The following TMPRSS11E variants were observed in gnomAD, a reference collection of about 807,000 sequenced individuals.
The protein encoded by TMPRSS11E is transmembrane protease serine 11E.
Under a neutral mutation model 48.1 loss-of-function variants are expected in TMPRSS11E, and 38 were observed. That is an observed-to-expected ratio of 0.79 (90% CI 0.61 to 1.04). The LOEUF (loss-of-function observed/expected upper bound fraction) is 1.04, where lower values mean the gene tolerates loss of function less well. Ranked by LOEUF, TMPRSS11E falls within the 50% of genes least tolerant of loss-of-function variation. The pLI is 0.00. For missense variants in TMPRSS11E, 530 were observed against 510.8 expected, an observed-to-expected ratio of 1.04 and a Z score of -0.36; for synonymous variants, 158 against 171.9, an observed-to-expected ratio of 0.92 and a Z score of 0.63.
rs1237485322 is a variant in TMPRSS11E, at chr4:68,477,586, G to T, written c.925G>T (p.Asp309Tyr). ...PDASYEFQPG[D>Y]VMFVTGFGAL... is the part of the protein sequence containing the mutation. ...TGCATCCTATGAGTTTCAACCAGGT[G>T]ATGTGATGTTTGTGACAGGATTTGG... Residue 309 changes from aspartate to tyrosine, a missense_variant, in exon 8 of 10, where the codon GAT (aspartate) becomes TAT (tyrosine). Coordinates refer to ENST00000305363, the MANE Select transcript of TMPRSS11E (RefSeq NM_014058.4). 1.2e-6 allele frequency: 2 copies of T among 1,614,060 alleles called. No individual in the cohort carries two copies. Among genetic ancestry groups the T allele is most frequent in the Non-Finnish European group, 1.7e-6 (2 of 1,179,954 alleles).
intron 1 of TMPRSS11E, among the ~76,000 whole-genome samples, chr4:68,454,853 TG>T (rs542569008): frequency 1.3e-5 from 2 of 151,926 alleles, no homozygotes; most frequent in South Asian, 4.1e-4. Context: ...ATACATATTT[TG>T]GGGGTATCTG....
chr4:68,477,804 G>A (rs1030105287), intron 8 of TMPRSS11E, among the ~76,000 whole-genome samples, 176 bp downstream of exon 8: 1 of 152,140 alleles, frequency 6.6e-6, no homozygotes, highest in Non-Finnish European at 1.5e-5. Flanking sequence ...TCCTGCCTAA[G>A]TTAATATCGA....
intron 1 of TMPRSS11E, among the ~76,000 whole-genome samples, chr4:68,449,732 AAAAG>A (rs2109655623): frequency 6.6e-6 from 1 of 151,980 alleles, no homozygotes; most frequent in African/African-American, 2.4e-5. Context: ...TAGAAAAAGA[AAAAG>A]AAATGTGTAA....
intron 2 of TMPRSS11E, among the ~76,000 whole-genome samples, chr4:68,466,048 G>A (rs991699927): frequency 3.3e-5 from 5 of 152,152 alleles, no homozygotes; most frequent in African/African-American, 1.2e-4. Flanking sequence ...AGGGACCCAG[G>A]TGAAACTAAA....
chr4:68,451,828 T>C (rs1185980602), intron 1 of TMPRSS11E, among the ~76,000 whole-genome samples: 1 of 151,890 alleles, frequency 6.6e-6, no homozygotes, highest in East Asian at 1.9e-4. Context: ...GGGGTAATAA[T>C]AAAAGGCAGA....
chr4:68,473,547 T>C (rs568633856), intron 5 of TMPRSS11E, among the ~76,000 whole-genome samples: 48 of 152,240 alleles, frequency 3.2e-4, no homozygotes, highest in African/African-American at 1.1e-3. Flanking sequence ...GCACATATCT[T>C]GTCTGCCAAC....
In TMPRSS11E at chr4:68,478,944, A is replaced by G. The variant is rs1729324546; in HGVS notation, c.1063A>G (p.Arg355Gly). 1 of 1,614,116 alleles carries G rather than the reference A, an allele frequency of 6.2e-7. No homozygotes were observed. Among genetic ancestry groups the G allele is most frequent in the South Asian group, 1.1e-5 (1 of 91,082 alleles). Residue 355 changes from arginine to glycine, a missense_variant, in exon 9 of 10, where the codon AGA (arginine) becomes GGA (glycine). Physicochemically the swap from Arg to Gly is moderately radical, Grantham distance 125 (BLOSUM62 -2). Coordinates refer to ENST00000305363, the MANE Select transcript of TMPRSS11E (RefSeq NM_014058.4). ...AGCTTACAATGACGCCATAACTCCT[A>G]GAATGTTATGTGCTGGCTCCTTAGA... ...PQAYNDAITP[R>G]MLCAGSLEGK... is the part of the protein sequence containing the mutation.
At chr4:68,475,045 A>T (rs889658964) in intron 6 of TMPRSS11E, among the ~76,000 whole-genome samples, 3 of 152,168 alleles carry the variant, frequency 2.0e-5, no homozygotes, top group African/African-American at 4.8e-5. Context: ...ATGTTTACTT[A>T]TCAATGTTCT....
intron 1 of TMPRSS11E, among the ~76,000 whole-genome samples, chr4:68,454,899 T>A (rs1728587944): frequency 6.6e-6 from 1 of 152,048 alleles, no homozygotes; most frequent in Non-Finnish European, 1.5e-5. Flanking sequence ...TGTGTAATGA[T>A]CAAATCAAGG....
chr4:68,475,632 T>G (rs1045455356), intron 6 of TMPRSS11E, among the ~76,000 whole-genome samples: 1 of 152,194 alleles, frequency 6.6e-6, no homozygotes, highest in Non-Finnish European at 1.5e-5. Context: ...TTAATGGGAC[T>G]AGGTGCATGA....
At chr4:68,460,564 A>T (rs1030717087) in intron 1 of TMPRSS11E, among the ~76,000 whole-genome samples, 1 of 152,156 alleles carries the variant, frequency 6.6e-6, no homozygotes, top group Non-Finnish European at 1.5e-5. Flanking sequence ...CCTCCAGGAG[A>T]ATACCATGTT....
intron 9 of TMPRSS11E, among the ~76,000 whole-genome samples, chr4:68,490,365 T>G (rs548658663): frequency 7.5e-6 from 1 of 132,834 alleles, no homozygotes; most frequent in Non-Finnish European, 1.8e-5. Flanking sequence ...TTTGAAAAAA[T>G]TAAATTATTA....
intron 2 of TMPRSS11E, among the ~76,000 whole-genome samples, chr4:68,463,980 A>T (rs1728861881): frequency 3.3e-5 from 5 of 152,170 alleles, no homozygotes; most frequent in Admixed American, 3.3e-4. Context: ...AAGATTCATA[A>T]ATCTTACTCA....
intron 2 of TMPRSS11E, among the ~76,000 whole-genome samples, chr4:68,463,736 C>T (rs1728854648): frequency 6.6e-6 from 1 of 152,154 alleles, no homozygotes; most frequent in Non-Finnish European, 1.5e-5. Flanking sequence ...GTTTTACACA[C>T]TTTTGTGTGT....
At chr4:68,453,377 C>T (rs1728548299) in intron 1 of TMPRSS11E, among the ~76,000 whole-genome samples, 1 of 151,728 alleles carries the variant, frequency 6.6e-6, no homozygotes, top group African/African-American at 2.4e-5. Context: ...AGGACTAATC[C>T]CAAGCTGTTT....
intron 6 of TMPRSS11E, among the ~76,000 whole-genome samples, chr4:68,475,449 G>C (rs1025066157): frequency 9.2e-5 from 14 of 152,066 alleles, no homozygotes; most frequent in African/African-American, 3.1e-4. Flanking sequence ...CATATAGTTG[G>C]TTAATTTCTA....
At chr4:68,469,809 C>G (rs1191079093) in intron 4 of TMPRSS11E, among the ~76,000 whole-genome samples, 2 of 151,904 alleles carry the variant, frequency 1.3e-5, no homozygotes, top group Admixed American at 1.3e-4. Context: ...GTGGAAGTTC[C>G]ACAGAAAATT....
chr4:68,447,538 T>C lies in TMPRSS11E; in HGVS notation c.11+15T>C. The C allele has an allele frequency of 6.2e-7, 1 of 1,604,554 alleles. No individual in the cohort carries two copies. Among genetic ancestry groups the C allele is most frequent in the South Asian group, 1.1e-5 (1 of 89,962 alleles). ...ATGATGTATCGGTGAGTTAGTTCCC[T>C]TTTTCTTTCTAGAAGTCTTAAGGTA... On this transcript the variant is annotated intron_variant, in intron 1 of 9. Coordinates refer to ENST00000305363, the MANE Select transcript of TMPRSS11E (RefSeq NM_014058.4).
At chr4:68,482,027 T>A (rs1729415540) in intron 9 of TMPRSS11E, among the ~76,000 whole-genome samples, 1 of 152,184 alleles carries the variant, frequency 6.6e-6, no homozygotes, top group Non-Finnish European at 1.5e-5. Context: ...AATTGGCTTA[T>A]GATTCTGCAG....
Sources: gnomAD v4.1 joint callset for allele counts (sites outside exome capture counted in the v4.1 genomes callset) on GRCh38, gnomAD v4.1.1 for gene constraint, MANE v1.5 for transcripts, NCBI Gene and HGNC (gene_info 2026-07-23, HGNC 2026-07-21) for gene names.